The following RP1 variants were observed in gnomAD, a reference collection of about 807,000 sequenced individuals.
The protein encoded by RP1 is oxygen-regulated protein 1.
RP1 carries 16 observed loss-of-function variants against 14.8 expected under a neutral mutation model. The ratio of observed to expected loss-of-function variants is 1.08; its 90% CI spans 0.73 to 1.65. RP1 has a LOEUF of 1.65. Among genes scored for constraint, RP1 ranks in the 40% most tolerant of loss-of-function variants. RP1 has a pLI of 0.00. For synonymous variants in RP1, 876 were observed against 883.6 expected (o/e 0.99, Z 0.15); for missense variants, 2,631 against 2,535.0 (o/e 1.04, Z -0.81).
intron 21 of RP1, among the ~76,000 whole-genome samples, chr8:54,758,366 G>A (rs1350741628): frequency 6.6e-6 from 1 of 151,332 alleles, no homozygotes; most frequent in Non-Finnish European, 1.5e-5. Flanking sequence ...GAAGAGTCCA[G>A]GCTACTCTTT....
At chr8:54,856,677 A>G (rs984635471) in intron 26 of RP1, among the ~76,000 whole-genome samples, 21 of 152,216 alleles carry the variant, frequency 1.4e-4, no homozygotes, top group African/African-American at 5.1e-4. Flanking sequence ...GTGAGGATTC[A>G]ATGAGTTAAT....
intron 16 of RP1, among the ~76,000 whole-genome samples, chr8:54,725,893 A>G (rs17319332): frequency 0.3 from 45,478 of 152,086 alleles, 8,284 homozygotes; most frequent in Middle Eastern, 0.47. Context: ...AAAAGGTAGA[A>G]AAGTAGCTAA....
intron 12 of RP1, chr8:54,699,380 A>T: frequency 2.1e-6 from 1 of 478,324 alleles, no homozygotes; most frequent in Non-Finnish European, 3.4e-6. Context: ...AGTTTAAAAT[A>T]TATTATTAAG....
At chr8:54,747,384 G>A (rs539880049) in intron 19 of RP1, among the ~76,000 whole-genome samples, 98 of 152,242 alleles carry the variant, frequency 6.4e-4, no homozygotes, top group Admixed American at 3.3e-3. Flanking sequence ...GATCACATCA[G>A]CATGGTTTAT....
chr8:54,746,009 T>C (rs1322025488), intron 19 of RP1, among the ~76,000 whole-genome samples: 1 of 152,206 alleles, frequency 6.6e-6, no homozygotes, highest in Non-Finnish European at 1.5e-5. Flanking sequence ...GTTTTCACAA[T>C]GACCAAAGGC....
chr8:54,791,459 T>C (rs2129384652), intron 24 of RP1, among the ~76,000 whole-genome samples: 1 of 152,252 alleles, frequency 6.6e-6, no homozygotes, highest in Non-Finnish European at 1.5e-5. Flanking sequence ...TAAATTTTTA[T>C]TATGGTGATG....
intron 24 of RP1, among the ~76,000 whole-genome samples, chr8:54,804,227 T>C (rs1028349106): frequency 1.3e-4 from 20 of 151,938 alleles, no homozygotes; most frequent in African/African-American, 4.8e-4. Context: ...ATTTAAAACA[T>C]ATAAACATTT....
chr8:54,749,014 AT>A (rs1382254777), intron 19 of RP1, among the ~76,000 whole-genome samples: 1 of 152,132 alleles, frequency 6.6e-6, no homozygotes, highest in Non-Finnish European at 1.5e-5. Flanking sequence ...CTCAGAAAGT[AT>A]TTGTTGACTC....
chr8:54,842,094 A>T (rs1811801857), intron 25 of RP1, among the ~76,000 whole-genome samples: 1 of 152,198 alleles, frequency 6.6e-6, no homozygotes, highest in Non-Finnish European at 1.5e-5. Context: ...GAGCTAAATT[A>T]AAAAAAGGAC....
At chr8:54,848,613 T>C (rs1056478799) in intron 25 of RP1, among the ~76,000 whole-genome samples, 2 of 151,922 alleles carry the variant, frequency 1.3e-5, no homozygotes, top group Admixed American at 6.5e-5. Context: ...CAAAAGAAAA[T>C]AGAGACTAGA....
downstream of RP1, among the ~76,000 whole-genome samples, chr8:54,631,792 G>T (rs917443981): frequency 2.0e-5 from 3 of 151,872 alleles, no homozygotes; most frequent in African/African-American, 4.8e-5. Context: ...ACGCCACTGC[G>T]CTGGGCATCC....
intron 5 of RP1, chr8:54,652,935 A>C: frequency 2.8e-6 from 3 of 1,076,746 alleles, no homozygotes; most frequent in Non-Finnish European, 4.1e-6. Context: ...GAGTCAACTC[A>C]TCATGCCTAT....
At position 54,855,891 on chromosome 8, in the gene RP1, A is replaced by G. The variant is rs151032532; in HGVS notation, c.3991-1137A>G. On this transcript the variant is annotated intron_variant, in intron 26 of 28. Transcript: ENST00000637698. ...GAACTCTCGTATGCTTCGCATACGG[A>G]GTGCATATTAGTATAAGTATTTTTA... is the stretch of plus-strand genomic sequence containing the variant. Among the ~76,000 whole-genome samples, 750 of 151,448 alleles carry G rather than the reference A, an allele frequency of 5.0e-3. 7 individuals carry two copies. Among genetic ancestry groups the G allele is most frequent in the African/African-American group, 0.015 (636 of 41,346 alleles).
Position 54,607,551 on chromosome 8 carries a change from ACCACTACTCTCTTCCAAGCTTTC to A in RP1, c.-12-13403_-12-13381del, listed in dbSNP as rs1805482899. The stretch of plus-strand genomic sequence containing the variant: ...AGATCTCCAGTTGCATGCTGGGAGA[ACCACTACTCTCTTCCAAGCTTTC>A]AGACAGGGACATTTAAGTCTGCATA... On this transcript the variant is annotated intron_variant, in intron 1 of 22. Transcript: ENST00000636932. 2.0e-5 allele frequency among the ~76,000 whole-genome samples: 3 copies of A among 152,220 alleles called. No homozygotes were observed. In the East Asian group the frequency reaches 5.8e-4, roughly 30 times the overall value.
intron 24 of RP1, among the ~76,000 whole-genome samples, chr8:54,786,378 C>T (rs887460259): frequency 2.0e-5 from 3 of 152,010 alleles, no homozygotes; most frequent in Admixed American, 6.6e-5. Context: ...TGTTTATCTT[C>T]TGCTGCTTTC....
exon 29 of RP1, chr8:54,870,245 CCCTT>C: frequency 3.8e-6 from 1 of 259,854 alleles, no homozygotes; most frequent in Non-Finnish European, 7.2e-6. Flanking sequence ...TCCCTCCTCT[CCCTT>C]CTTTCTTTTC....
chr8:54,735,733 A>G (rs1808902852), intron 18 of RP1, among the ~76,000 whole-genome samples: 1 of 152,230 alleles, frequency 6.6e-6, no homozygotes, highest in Non-Finnish European at 1.5e-5. Context: ...CCTTATACAA[A>G]TACATATTTC....
intron 24 of RP1, among the ~76,000 whole-genome samples, chr8:54,793,168 G>T (rs1391641030): frequency 6.6e-6 from 1 of 151,816 alleles, no homozygotes; most frequent in East Asian, 1.9e-4. Context: ...CACCAGTAAT[G>T]AGTAAGGAGA....
intron 23 of RP1, chr8:54,783,440 G>A (rs1028031718): frequency 2.0e-5 from 10 of 508,994 alleles, no homozygotes; most frequent in Admixed American, 8.8e-5. Flanking sequence ...TTGATTTCAC[G>A]AACTATTCAT....
Sources: allele counts gnomAD v4.1 joint callset (sites outside exome capture counted in the v4.1 genomes callset), GRCh38; gene constraint gnomAD v4.1.1; transcripts MANE v1.5; gene names NCBI Gene and HGNC (gene_info 2026-07-23, HGNC 2026-07-21).